Variants in PLCB4 observed in about 807,000 individuals in gnomAD.
The protein encoded by PLCB4 is phospholipase C beta 4.
A neutral mutation model predicts 178.8 loss-of-function variants in PLCB4; 77 were observed. That is an observed-to-expected ratio of 0.43 (90% confidence interval 0.36 to 0.52). The LOEUF is 0.52. PLCB4 is among the 20% of genes least tolerant of loss of function. The pLI, the probability that PLCB4 is intolerant of heterozygous loss-of-function variation, is 0.00. For synonymous variants in PLCB4, 496 were observed against 490.8 expected (o/e 1.01, Z -0.14); for missense variants, 1,024 against 1,453.4 (o/e 0.70, Z 4.80).
chr20:9,444,128 C>T (rs1473798396), intron 31 of PLCB4, 50 bp from the exon 32 acceptor site: 1 of 1,489,314 alleles, frequency 6.7e-7, no homozygotes, highest in South Asian at 1.2e-5. Context: ...ATTGTGATTA[C>T]AAAAAGAAAA....
intron 35 of PLCB4, among the ~76,000 whole-genome samples, 158 bp downstream of exon 35, chr20:9,459,968 G>A (rs1465896443): frequency 6.6e-6 from 1 of 152,168 alleles, no homozygotes; most frequent in African/African-American, 2.4e-5. Flanking sequence ...TGAGCAAGAT[G>A]AGCTATAAGA....
intron 4 of PLCB4, among the ~76,000 whole-genome samples, chr20:9,333,610 C>T (rs1003131758): frequency 1.3e-5 from 2 of 152,096 alleles, no homozygotes; most frequent in Non-Finnish European, 2.9e-5. Flanking sequence ...GATAGGAATC[C>T]ATTGAATGGT....
intron 3 of PLCB4, among the ~76,000 whole-genome samples, chr20:9,239,614 TAGTC>T (rs1394971321): frequency 6.6e-6 from 1 of 152,162 alleles, no homozygotes; most frequent in Non-Finnish European, 1.5e-5. Flanking sequence ...TCGTATGTAT[TAGTC>T]AGGGTTCTCT....
intron 4 of PLCB4, among the ~76,000 whole-genome samples, chr20:9,329,495 A>T (rs2031303897): frequency 1.3e-5 from 2 of 152,168 alleles, no homozygotes; most frequent in Admixed American, 1.3e-4. Flanking sequence ...AATAGTAGGC[A>T]TATTACTAGG....
intron 2 of PLCB4, among the ~76,000 whole-genome samples, chr20:9,207,217 G>T (rs186711787): frequency 1.3e-5 from 2 of 152,322 alleles, no homozygotes; most frequent in Middle Eastern, 3.4e-3. Flanking sequence ...ATACATTTCT[G>T]TGACCTCAGC....
intron 2 of PLCB4, among the ~76,000 whole-genome samples, chr20:9,158,763 C>T (rs549585271): frequency 6.6e-6 from 1 of 152,244 alleles, no homozygotes; most frequent in South Asian, 2.1e-4. Flanking sequence ...CGTCAGAGGA[C>T]GTCCTTTCTT....
rs148318051 is a variant in PLCB4, at chr20:9,219,842, G to A, written c.-16+2390G>A. Among the ~76,000 whole-genome samples, 1,133 of 152,256 alleles carry A rather than the reference G, an allele frequency of 7.4e-3. 17 individuals carry two copies. The highest frequency in any genetic ancestry group is 0.026 in the African/African-American group (1,089 of 41,516). ...TTTCTGGTTTTGTCTTGAAATGCCTGCTTTACTTCCCCACACTTCCAACGG... is the reference window on the plus strand; with the variant it reads ...TTTCTGGTTTTGTCTTGAAATGCCTACTTTACTTCCCCACACTTCCAACGG... On this transcript the variant is annotated intron_variant, in intron 3 of 39. Transcript: ENST00000378473.
At chr20:9,240,959 T>G (rs2094053491) in intron 3 of PLCB4, among the ~76,000 whole-genome samples, 1 of 152,166 alleles carries the variant, frequency 6.6e-6, no homozygotes, top group Non-Finnish European at 1.5e-5. Flanking sequence ...AGATCTCAAT[T>G]GTTTGATTTG....
At chr20:9,172,977 T>C (rs770776867) in intron 2 of PLCB4, among the ~76,000 whole-genome samples, 5 of 152,182 alleles carry the variant, frequency 3.3e-5, no homozygotes, top group African/African-American at 4.8e-5. Context: ...GTTGACCCCA[T>C]CCATGATCTA....
intron 1 of PLCB4, among the ~76,000 whole-genome samples, chr20:9,080,768 G>C (rs1201791121): frequency 6.6e-6 from 1 of 152,050 alleles, no homozygotes; most frequent in Non-Finnish European, 1.5e-5. Flanking sequence ...CCTCTTGTCG[G>C]AGCTCCAGAT....
chr20:9,146,485 C>T (rs567107585), intron 2 of PLCB4, among the ~76,000 whole-genome samples: 58 of 152,118 alleles, frequency 3.8e-4, no homozygotes, highest in Non-Finnish European at 7.5e-4. Flanking sequence ...AAAATAGTCA[C>T]ATTAACATTT....
At chr20:9,450,618 A>G (rs1379934248) in intron 32 of PLCB4, among the ~76,000 whole-genome samples, 2 of 150,944 alleles carry the variant, frequency 1.3e-5, no homozygotes, top group African/African-American at 4.9e-5. Flanking sequence ...GAATTCGGTT[A>G]GGCAAAGGTA....
At chr20:9,426,917 T>G (rs941292349) in intron 28 of PLCB4, among the ~76,000 whole-genome samples, 1 of 152,056 alleles carries the variant, frequency 6.6e-6, no homozygotes, top group Non-Finnish European at 1.5e-5. Context: ...CCTTCTCATT[T>G]CTATAGCATA....
intron 2 of PLCB4, among the ~76,000 whole-genome samples, chr20:9,164,028 A>T (rs1031326595): frequency 6.6e-6 from 1 of 152,252 alleles, no homozygotes; most frequent in Non-Finnish European, 1.5e-5. Flanking sequence ...CAGTGGTTAT[A>T]ATTAATACAA....
At chr20:9,296,818 T>TGGACACAGGAAGGGGAACATC (rs1356635436) in intron 3 of PLCB4, among the ~76,000 whole-genome samples, 9 of 148,970 alleles carry the variant, frequency 6.0e-5, no homozygotes, top group Middle Eastern at 3.4e-3. Flanking sequence ...TGAGAACACA[T>TGGACACAGGAAGGGGAACATC]GGACACAGGA....
intron 26 of PLCB4, among the ~76,000 whole-genome samples, 173 bp from the exon 27 acceptor site, chr20:9,421,124 A>C (rs1277216346): frequency 6.6e-6 from 1 of 152,048 alleles, no homozygotes; most frequent in Non-Finnish European, 1.5e-5. Context: ...TTTTTTGCCT[A>C]TAGTAGTTGT....
chr20:9,462,295 G>A (rs148087127), intron 35 of PLCB4, among the ~76,000 whole-genome samples: 2,329 of 152,224 alleles, frequency 0.015, 63 homozygotes, highest in African/African-American at 0.053. Context: ...AGATAAAACC[G>A]CAAAGATGGG....
intron 36 of PLCB4, among the ~76,000 whole-genome samples, chr20:9,470,552 A>G (rs1380957754): frequency 2.6e-5 from 4 of 152,200 alleles, no homozygotes; most frequent in South Asian, 2.1e-4. Context: ...GCTTTTTACC[A>G]TCTTTTTCAA....
intron 3 of PLCB4, among the ~76,000 whole-genome samples, chr20:9,270,954 T>C (rs914585599): frequency 6.6e-6 from 1 of 152,194 alleles, no homozygotes; most frequent in Non-Finnish European, 1.5e-5. Flanking sequence ...ACAGACAGCC[T>C]TTCTTCCAGA....
Sources: gnomAD v4.1 joint callset for allele counts (sites outside exome capture counted in the v4.1 genomes callset) on GRCh38, gnomAD v4.1.1 for gene constraint, MANE v1.5 for transcripts, NCBI Gene and HGNC (gene_info 2026-07-23, HGNC 2026-07-21) for gene names.